The following EVC variants were observed in gnomAD, a reference collection of about 807,000 sequenced individuals.
EVC encodes the protein evC complex member EVC.
Under a neutral mutation model 118.9 loss-of-function variants are expected in EVC, and 116 were observed. The observed-to-expected ratio is 0.98, with a 90% CI of 0.84 to 1.14. The LOEUF is 1.14. Ranked by LOEUF, EVC falls within the 50% of genes most tolerant of loss-of-function variation. The pLI, the probability that EVC is intolerant of heterozygous loss-of-function variation, is 0.00. For missense variants in EVC, 1,401 were observed against 1,246.4 expected, an observed-to-expected ratio of 1.12 and a Z score of -1.87; for synonymous variants, 619 against 534.7, an observed-to-expected ratio of 1.16 and a Z score of -2.18.
chr4:5,736,648 T>C (rs1451419386), intron 5 of EVC, among the ~76,000 whole-genome samples: 1 of 152,186 alleles, frequency 6.6e-6, no homozygotes, highest in Non-Finnish European at 1.5e-5. Flanking sequence ...ATTTCAAACT[T>C]ATTCACTATT....
At chr4:5,728,314 T>C (rs1726198696) in intron 2 of EVC, among the ~76,000 whole-genome samples, 1 of 151,924 alleles carries the variant, frequency 6.6e-6, no homozygotes. Flanking sequence ...GATTCCTAGG[T>C]ATTTTATTCT....
intron 15 of EVC, 123 bp from the exon 16 acceptor site, chr4:5,801,827 A>G (rs1352011174): frequency 9.1e-7 from 1 of 1,096,740 alleles, no homozygotes; most frequent in Non-Finnish European, 1.4e-6. Context: ...TTCCTGACCA[A>G]TCCAGGTTGG....
chr4:5,732,556 A>G (rs1044137814), intron 4 of EVC, among the ~76,000 whole-genome samples: 1 of 152,226 alleles, frequency 6.6e-6, no homozygotes, highest in African/African-American at 2.4e-5. Context: ...AAAAGGTCAA[A>G]GACTTTTACA....
In EVC at chr4:5,749,341, G is replaced by GGGA. The variant is rs778335798; in HGVS notation, c.1098+1035_1098+1036insGGA. 1.2e-3 allele frequency among the ~76,000 whole-genome samples: 144 copies of GGGA among 121,854 alleles called. No individual in the cohort carries two copies. The highest frequency in any genetic ancestry group is 4.2e-3 in the Middle Eastern group (1 of 236). The allele number at this position is 121,854 out of a possible 152,430, so 79.9% of individuals were successfully genotyped here. ...TAACACTAACGATAGCTGATGAGCG[G>GGGA]AAAAAAAAAAAAAAAAAAAGGTCCC... On this transcript the variant is annotated intron_variant, in intron 8 of 20. Transcript: ENST00000264956. This position sits in a 1 kb window ranked among gnomAD's most constrained non-coding sequence, Gnocchi z 4.4.
chr4:5,802,199 T>G, intron 16 of EVC, 105 bp downstream of exon 16: 1 of 1,452,862 alleles, frequency 6.9e-7, no homozygotes, highest in Non-Finnish European at 9.6e-7. Context: ...TTTTTGGGAA[T>G]ATAATTATTT....
At chr4:5,763,747 A>AT (rs1377602197) in intron 11 of EVC, among the ~76,000 whole-genome samples, 7 of 114,204 alleles carry the variant, frequency 6.1e-5, no homozygotes, top group Non-Finnish European at 1.1e-4. Flanking sequence ...TTGTACATTG[A>AT]TTTTGTATCC....
Position 5,789,343 on chromosome 4 carries a change from T to C in EVC, c.1777-4265T>C, listed in dbSNP as rs1712326955. On this transcript the variant is annotated intron_variant, in intron 12 of 20. Coordinates refer to ENST00000264956, the MANE Select transcript of EVC (RefSeq NM_153717.3). The surrounding 1 kb of genome is among the most constrained non-coding windows in gnomAD (Gnocchi z 4.3). ...CAGTGGTTCCTTGCACTCCTCTGGC[T>C]TTCTGGGCACGTTCCTGCCTTACTC... Among the ~76,000 whole-genome samples the C allele has an allele frequency of 6.6e-6, 1 of 152,174 alleles. No individual in the cohort carries two copies. Among genetic ancestry groups the C allele is most frequent in the African/African-American group, 2.4e-5 (1 of 41,448 alleles).
chr4:5,819,232 C>T (rs770072729), downstream of EVC, among the ~76,000 whole-genome samples: 16 of 152,160 alleles, frequency 1.1e-4, no homozygotes, highest in Non-Finnish European at 1.5e-4. Context: ...ATAACGCTCC[C>T]CGTCCCTGCC....
chr4:5,723,961 C>T (rs1725395029), intron 2 of EVC, among the ~76,000 whole-genome samples: 1 of 152,102 alleles, frequency 6.6e-6, no homozygotes. Context: ...AGGCTCTGTA[C>T]CCTCAGGTCA....
rs1445195686 is a variant in EVC at position 5,728,109 on chromosome 4, G to A, written c.301-1198G>A. Among the ~76,000 whole-genome samples, 4 of 152,312 alleles carry A rather than the reference G, an allele frequency of 2.6e-5. No individual in the cohort carries two copies. In the East Asian group the frequency reaches 7.7e-4, roughly 29 times the overall value. On this transcript the variant is annotated intron_variant, in intron 2 of 20. Coordinates refer to ENST00000264956, the MANE Select transcript of EVC (RefSeq NM_153717.3). ...AAGTGGTTTTTTCCAGTTCTGTGAAGAAAGTCATTGGCTGCTTGTTGGGGA... is the reference window on the plus strand; with the variant it reads ...AAGTGGTTTTTTCCAGTTCTGTGAAAAAAGTCATTGGCTGCTTGTTGGGGA...
At chr4:5,723,438 C>G (rs1443232206) in intron 2 of EVC, among the ~76,000 whole-genome samples, 4 of 152,130 alleles carry the variant, frequency 2.6e-5, no homozygotes, top group African/African-American at 4.8e-5. Flanking sequence ...ATCTGCCCGC[C>G]TTGGCCTCCC....
Position 5,756,776 on chromosome 4 carries a change from C to A in EVC, c.1563+414C>A, listed in dbSNP as rs548933139. ...ACACCACCTCTTTCCCCTGTGCAACCGTGTGCAGGTCTGGGGTGGGGAGGT... is the reference window on the plus strand; with the variant it reads ...ACACCACCTCTTTCCCCTGTGCAACAGTGTGCAGGTCTGGGGTGGGGAGGT... On this transcript the variant is annotated intron_variant, in intron 11 of 20. Transcript: ENST00000264956. The surrounding 1 kb of genome is among the most constrained non-coding windows in gnomAD (Gnocchi z 4.2). Among the ~76,000 whole-genome samples, 12 of 152,218 alleles carry A rather than the reference C, an allele frequency of 7.9e-5. No homozygotes were observed. Among genetic ancestry groups the A allele is most frequent in the Middle Eastern group, 3.4e-3 (1 of 294 alleles).
At chr4:5,808,401 G>T in intron 18 of EVC, 74 bp downstream of exon 18, 2 of 1,605,568 alleles carry the variant, frequency 1.2e-6, no homozygotes, top group South Asian at 2.2e-5. Flanking sequence ...GCCAGCCTGT[G>T]ACCACACGTC....
rs570857718 is a variant in EVC, at chr4:5,809,704, C to T, written c.2782+93C>T. ...CACTGGCCACTAACTAGCTGTGTGA[C>T]CTTAGGCATCGTGCCTAGGCTCTCT... is the stretch of plus-strand genomic sequence containing the variant. On this transcript the variant is annotated intron_variant, in intron 19 of 20. Transcript: ENST00000264956. 72 of 1,173,068 alleles carry T rather than the reference C, an allele frequency of 6.1e-5. No individual in the cohort carries two copies. The African/African-American group carries it at 1.1e-3, about 17-fold the overall frequency. The allele number at this position is 1,173,068 out of a possible 1,614,324, so 72.7% of individuals were successfully genotyped here.
chr4:5,810,137 G>C (rs1234915553), intron 19 of EVC, among the ~76,000 whole-genome samples: 1 of 152,222 alleles, frequency 6.6e-6, no homozygotes, highest in Non-Finnish European at 1.5e-5. Context: ...TTCCTGGCTT[G>C]TGCAGGCTTG....
In EVC at chr4:5,755,519, C is replaced by A. The variant is rs980161024; in HGVS notation, c.1465-745C>A. Among the ~76,000 whole-genome samples the A allele has an allele frequency of 5.9e-5, 9 of 152,100 alleles. No individual in the cohort carries two copies. Among genetic ancestry groups the A allele is most frequent in the African/African-American group, 2.2e-4 (9 of 41,416 alleles). On this transcript the variant is annotated intron_variant, in intron 10 of 20. Coordinates refer to ENST00000264956, the MANE Select transcript of EVC (RefSeq NM_153717.3). The surrounding 1 kb of genome is among the most constrained non-coding windows in gnomAD (Gnocchi z 4.1). Reference sequence around the variant, plus strand: ...CACCTTTTTCCAGTCCCGCCCTTCTCTCTCATCTCACCTCCTGCCCGTAGC... The same window carrying A: ...CACCTTTTTCCAGTCCCGCCCTTCTATCTCATCTCACCTCCTGCCCGTAGC...
chr4:5,753,685 C>G (rs909589771), intron 9 of EVC, 100 bp from the exon 10 acceptor site: 8 of 1,521,296 alleles, frequency 5.3e-6, no homozygotes, highest in Non-Finnish European at 7.3e-6. Flanking sequence ...GCAGCCGACA[C>G]CAGCTTCCCC....
intron 15 of EVC, among the ~76,000 whole-genome samples, chr4:5,799,602 C>T (rs982059076): frequency 2.6e-5 from 4 of 152,170 alleles, no homozygotes; most frequent in African/African-American, 4.8e-5. Context: ...GCACCTCGCT[C>T]GCTTCAGGCC....
chr4:5,776,279 G>A (rs1361191684), intron 11 of EVC, among the ~76,000 whole-genome samples: 1 of 151,970 alleles, frequency 6.6e-6, no homozygotes, highest in Non-Finnish European at 1.5e-5. Flanking sequence ...TGACCCCTTT[G>A]TGTCTAGTCA....
Sources: allele counts gnomAD v4.1 joint callset (sites outside exome capture counted in the v4.1 genomes callset), GRCh38; gene constraint gnomAD v4.1.1; non-coding constraint Gnocchi (gnomAD v3.1); transcripts MANE v1.5; gene names NCBI Gene and HGNC (gene_info 2026-07-23, HGNC 2026-07-21).